Variants in TENM2 observed in about 807,000 individuals in gnomAD.
TENM2 encodes teneurin-2.
Under a neutral mutation model 245.2 loss-of-function variants are expected in TENM2, and 52 were observed. The ratio of observed to expected loss-of-function variants is 0.21; its 90% confidence interval spans 0.17 to 0.27. The LOEUF is 0.27. Ranked by LOEUF, TENM2 falls within the 10% of genes least tolerant of loss-of-function variation. The pLI is 1.00. For synonymous variants in TENM2, 1,363 were observed against 1,438.9 expected (o/e 0.95, Z 1.19); for missense variants, 3,046 against 3,666.8 (o/e 0.83, Z 4.37).
intron 22 of TENM2, among the ~76,000 whole-genome samples, chr5:168,217,464 A>G (rs1454769473): frequency 1.3e-5 from 2 of 152,238 alleles, no homozygotes; most frequent in Non-Finnish European, 2.9e-5. Context: ...CCTGGAATAT[A>G]CGTTCAGCCT....
chr5:168,065,014 T>C (rs143711125), intron 7 of TENM2, among the ~76,000 whole-genome samples: 1 of 152,190 alleles, frequency 6.6e-6, no homozygotes, highest in African/African-American at 2.4e-5. Flanking sequence ...TCTCGAACTA[T>C]TATAGAATTT....
intron 2 of TENM2, among the ~76,000 whole-genome samples, chr5:167,596,089 G>T (rs1295908718): frequency 6.6e-6 from 1 of 152,052 alleles, no homozygotes; most frequent in Non-Finnish European, 1.5e-5. Flanking sequence ...GCATGCCCCA[G>T]TCCTCTTCAT....
At position 167,692,715 on chromosome 5, in the gene TENM2, G is replaced by A. The variant is rs545312213; in HGVS notation, c.503-183271G>A. Among the ~76,000 whole-genome samples the A allele has an allele frequency of 2.6e-5, 4 of 152,290 alleles. No individual in the cohort carries two copies. The East Asian group carries it at 7.7e-4, about 29-fold the overall frequency. ...AAGGTAGGGAGACCCAGCTGTTCAA[G>A]CAGGTGCCTCCTTCCCAAGAAAAAG... On this transcript the variant is annotated intron_variant, in intron 2 of 28. Transcript: ENST00000518659.
intron 2 of TENM2, among the ~76,000 whole-genome samples, chr5:167,480,739 A>T (rs1767708851): frequency 6.6e-6 from 1 of 152,166 alleles, no homozygotes; most frequent in Non-Finnish European, 1.5e-5. Flanking sequence ...TCTTGCTCAA[A>T]ATTCTCCCTA....
intron 3 of TENM2, among the ~76,000 whole-genome samples, chr5:167,907,770 A>T (rs1220933529): frequency 6.6e-6 from 1 of 151,382 alleles, no homozygotes; most frequent in Non-Finnish European, 1.5e-5. Flanking sequence ...TATTTAAAAA[A>T]ATTTAGGAAG....
intron 2 of TENM2, among the ~76,000 whole-genome samples, chr5:167,776,766 A>G (rs1056003774): frequency 2.0e-5 from 3 of 151,826 alleles, no homozygotes; most frequent in Non-Finnish European, 2.9e-5. Flanking sequence ...CCCATTAGGC[A>G]GCATCTATGA....
chr5:167,887,360 T>C (rs942938957), intron 3 of TENM2, among the ~76,000 whole-genome samples: 10 of 152,264 alleles, frequency 6.6e-5, no homozygotes, highest in Admixed American at 2.6e-4. Context: ...TAGATCCTTA[T>C]TGATCTACCT....
intron 2 of TENM2, among the ~76,000 whole-genome samples, chr5:167,436,464 A>G (rs1764561107): frequency 6.6e-6 from 1 of 152,190 alleles, no homozygotes; most frequent in South Asian, 2.1e-4. Context: ...GAGACAGCAA[A>G]AAAGTTTGGA....
the TENM2 span, among the ~76,000 whole-genome samples, chr5:167,000,425 A>G: frequency 6.6e-6 from 1 of 152,170 alleles, no homozygotes; most frequent in African/African-American, 2.4e-5. Context: ...ATAATTGGGA[A>G]CGTATTTGAA....
intron 2 of TENM2, 53 bp from the exon 5 acceptor site, chr5:167,875,933 G>A: frequency 8.1e-7 from 1 of 1,233,954 alleles, no homozygotes; most frequent in South Asian, 1.3e-5. Flanking sequence ...CTTTCTTGGG[G>A]TGCTCTCGTG....
chr5:167,357,846 T>A (rs1445131298), intron 1 of TENM2, among the ~76,000 whole-genome samples: 1 of 152,096 alleles, frequency 6.6e-6, no homozygotes, highest in African/African-American at 2.4e-5. Context: ...CTCCAGCACC[T>A]CCTCCTCATC....
the TENM2 span, among the ~76,000 whole-genome samples, chr5:167,128,058 A>C: frequency 3.1e-3 from 466 of 152,234 alleles, no homozygotes; most frequent in Admixed American, 9.0e-3. Flanking sequence ...GAGTACAAAC[A>C]TTGCTTCTGT....
chr5:168,090,960 T>C lies in TENM2; in HGVS notation c.1711+191T>C, dbSNP rs554356480. ...TTAAATGGAAATGCTGCTTAAACCA[T>C]GAAAAATTCACCAAGGATGAAATTG... is the stretch of plus-strand genomic sequence containing the variant. On this transcript the variant is annotated intron_variant, in intron 8 of 28. Coordinates refer to ENST00000518659, the Ensembl canonical transcript of TENM2. Among the ~76,000 whole-genome samples, 3 of 152,248 alleles carry C rather than the reference T, an allele frequency of 2.0e-5. No individual in the cohort carries two copies. The South Asian group carries it at 6.2e-4, about 32-fold the overall frequency.
intron 13 of TENM2, chr5:168,186,130 C>T (rs1474343530): frequency 6.6e-6 from 1 of 151,846 alleles, no homozygotes; most frequent in African/African-American, 2.4e-5. Flanking sequence ...CTCACACAGC[C>T]AGGGAACTAG....
At chr5:168,032,532 G>A (rs961706314) in intron 5 of TENM2, among the ~76,000 whole-genome samples, 1 of 152,130 alleles carries the variant, frequency 6.6e-6, no homozygotes, top group African/African-American at 2.4e-5. Flanking sequence ...TGTTAGTATT[G>A]CCCTGGAATA....
the TENM2 span, among the ~76,000 whole-genome samples, chr5:167,098,918 G>A: frequency 1.3e-5 from 2 of 152,154 alleles, no homozygotes; most frequent in Admixed American, 6.5e-5. Flanking sequence ...AGATTTCTAG[G>A]CCCACACCAA....
chr5:168,135,162 CACAGTT>C (rs1333538977), intron 12 of TENM2, among the ~76,000 whole-genome samples: 1 of 152,206 alleles, frequency 6.6e-6, no homozygotes, highest in Non-Finnish European at 1.5e-5. Context: ...TGATAAACTT[CACAGTT>C]ACCCTCATTC....
the TENM2 span, among the ~76,000 whole-genome samples, chr5:167,220,739 T>C: frequency 6.6e-6 from 1 of 152,192 alleles, no homozygotes; most frequent in African/African-American, 2.4e-5. Context: ...GTCTGAAAGA[T>C]GAGGATGATA....
chr5:167,375,302 A>C, exon 2 of TENM2: 3 of 1,551,690 alleles, frequency 1.9e-6, no homozygotes, highest in Non-Finnish European at 2.6e-6. Context: ...CTCCCTTAGC[A>C]CAGGGTCTGA....
Sources: allele counts gnomAD v4.1 joint callset (sites outside exome capture counted in the v4.1 genomes callset), GRCh38; gene constraint gnomAD v4.1.1; transcripts MANE v1.5; gene names NCBI Gene and HGNC (gene_info 2026-07-23, HGNC 2026-07-21).